COBL: variants seen among roughly 807,000 people sequenced by gnomAD.
COBL encodes the protein cordon-bleu WH2 repeat protein.
A neutral mutation model predicts 98.8 loss-of-function variants in COBL; 51 were observed. The ratio of observed to expected loss-of-function variants is 0.52; its 90% confidence interval spans 0.41 to 0.65. COBL has a LOEUF of 0.65. COBL is among the 30% of genes least tolerant of loss of function. The probability of loss-of-function intolerance (pLI) is 0.00; values close to 1 mark genes in which losing one functional copy is unlikely to be tolerated. For synonymous variants in COBL, 634 were observed against 651.7 expected, an observed-to-expected ratio of 0.97 and a Z score of 0.41; for missense variants, 1,617 against 1,617.5, an observed-to-expected ratio of 1.00 and a Z score of 0.01.
At chr7:51,163,641 A>G (rs554595931) in intron 5 of COBL, among the ~76,000 whole-genome samples, 2 of 152,370 alleles carry the variant, frequency 1.3e-5, no homozygotes, top group South Asian at 2.1e-4. Flanking sequence ...AACACCTCAT[A>G]TCAATAATAT....
intron 4 of COBL, 79 bp downstream of exon 4, chr7:51,190,771 G>A: frequency 8.6e-7 from 1 of 1,169,192 alleles, no homozygotes; most frequent in South Asian, 1.4e-5. Context: ...AGAGTGCTGG[G>A]GAGAGCCAAC....
intron 6 of COBL, among the ~76,000 whole-genome samples, chr7:51,111,251 A>G (rs1796796784): frequency 6.6e-6 from 1 of 152,162 alleles, no homozygotes; most frequent in African/African-American, 2.4e-5. Flanking sequence ...CCCCCATACT[A>G]TTTTTCATAA....
intron 7 of COBL, among the ~76,000 whole-genome samples, chr7:51,057,783 T>TG (rs938027611): frequency 6.6e-6 from 1 of 152,142 alleles, no homozygotes; most frequent in African/African-American, 2.4e-5. Flanking sequence ...CATGAGATGC[T>TG]GGGGCTCCAG....
chr7:51,157,834 G>A (rs1318253540), intron 5 of COBL, among the ~76,000 whole-genome samples: 1 of 152,142 alleles, frequency 6.6e-6, no homozygotes, highest in African/African-American at 2.4e-5. Flanking sequence ...TGAGGTCATG[G>A]ATATGGTAAT....
At chr7:51,087,137 C>CAG (rs1161844235) in intron 6 of COBL, among the ~76,000 whole-genome samples, 4 of 149,328 alleles carry the variant, frequency 2.7e-5, no homozygotes, top group South Asian at 4.2e-4. Context: ...CACACACACA[C>CAG]AGAGACATAC....
chr7:51,071,696 G>A (rs1583683581), intron 7 of COBL: 1 of 152,222 alleles, frequency 6.6e-6, no homozygotes, highest in East Asian at 1.9e-4. Context: ...TAGAGATTTT[G>A]TGTGCCCATC....
At chr7:51,032,280 T>A (rs1332641078) in intron 8 of COBL, 1 of 152,184 alleles carries the variant, frequency 6.6e-6, no homozygotes, top group Non-Finnish European at 1.5e-5. Context: ...CTGGCTTCAT[T>A]TGCGTCACAG....
At position 51,107,102 on chromosome 7, in the gene COBL, T is replaced by G. The variant is rs1022320258; in HGVS notation, c.958-21798A>C. 5.4e-5 allele frequency among the ~76,000 whole-genome samples: 8 copies of G among 146,938 alleles called. No homozygotes were observed. In the East Asian group the frequency reaches 6.0e-4, roughly 11 times the overall value. On this transcript the variant is annotated intron_variant, in intron 6 of 12. Transcript: ENST00000265136. The stretch of plus-strand genomic sequence containing the variant: ...GATCCTAGTTTGTTTGTTTTTTTTT[T>G]TTTTTTTTTTGAGACAGAATCTCAC...
intron 1 of COBL, among the ~76,000 whole-genome samples, chr7:51,291,314 A>G (rs1386394832): frequency 1.3e-5 from 2 of 152,218 alleles, no homozygotes; most frequent in African/African-American, 2.4e-5. Context: ...TGTGTCTTCC[A>G]AAGTCCTAGC....
intron 12 of COBL, among the ~76,000 whole-genome samples, chr7:51,024,199 C>T (rs1342993813): frequency 6.6e-6 from 1 of 152,016 alleles, no homozygotes; most frequent in Non-Finnish European, 1.5e-5. Context: ...GTCCCAGCTA[C>T]TCAGGAGGCT....
intron 7 of COBL, among the ~76,000 whole-genome samples, chr7:51,084,774 T>C (rs1794035717): frequency 6.6e-6 from 1 of 152,214 alleles, no homozygotes; most frequent in South Asian, 2.1e-4. Flanking sequence ...ATACATCACC[T>C]GTGGCCTAAG....
chr7:51,170,534 T>TATATATATATATATATATATATATAA (rs1315143701), intron 5 of COBL, among the ~76,000 whole-genome samples: 2 of 134,494 alleles, frequency 1.5e-5, no homozygotes, highest in African/African-American at 5.7e-5. Context: ...TATATATAAA[T>TATATATATATATATATATATATATAA]ATATATCACA....
Position 51,056,812 on chromosome 7 carries a change from A to AACACACACACACAC in COBL, c.1097-13134_1097-13121dup, listed in dbSNP as rs3047115. On this transcript the variant is annotated intron_variant, in intron 7 of 12. Transcript: ENST00000265136. The stretch of plus-strand genomic sequence containing the variant: ...CTATGCTTGTATACAGTGCTCTCCC[A>AACACACACACACAC]ACACACACACACACACACACACACA... Among the ~76,000 whole-genome samples the AACACACACACACAC allele has an allele frequency of 1.9e-3, 274 of 143,674 alleles. 4 individuals carry two copies. The highest frequency in any genetic ancestry group is 7.0e-3 in the Middle Eastern group (2 of 284). The allele number at this position is 143,674 out of a possible 152,430, so 94.3% of individuals were successfully genotyped here.
chr7:51,220,684 G>A (rs925976386), intron 1 of COBL, among the ~76,000 whole-genome samples: 11 of 152,246 alleles, frequency 7.2e-5, no homozygotes, highest in Admixed American at 7.2e-4. Flanking sequence ...AGGGGTCCAC[G>A]TGCAGGTAAA....
At chr7:51,231,986 T>G (rs1267169265) in intron 1 of COBL, among the ~76,000 whole-genome samples, 1 of 152,066 alleles carries the variant, frequency 6.6e-6, no homozygotes, top group East Asian at 1.9e-4. Context: ...CTGAGTGCAG[T>G]AGAGGGTGGG....
rs541580624 is a variant in COBL at position 51,199,512 on chromosome 7, C to A, written c.246-5923G>T. ...TCCATAAATTACCTGAAAAGGAATC[C>A]AAAATAGCCATCTTAAAGAAGCTCA... is the stretch of plus-strand genomic sequence containing the variant. On this transcript the variant is annotated intron_variant, in intron 2 of 12. Coordinates refer to ENST00000265136, the MANE Select transcript of COBL (RefSeq NM_015198.5). Among the ~76,000 whole-genome samples the A allele has an allele frequency of 5.9e-5, 9 of 152,124 alleles. No homozygotes were observed. In the South Asian group the frequency reaches 1.9e-3, roughly 32 times the overall value.
At chr7:51,079,905 T>C (rs1793463837) in intron 7 of COBL, among the ~76,000 whole-genome samples, 1 of 152,278 alleles carries the variant, frequency 6.6e-6, no homozygotes, top group Admixed American at 6.5e-5. Context: ...ACTGAACATC[T>C]GAGCACACAG....
intron 5 of COBL, among the ~76,000 whole-genome samples, chr7:51,136,765 G>A (rs76777263): frequency 0.078 from 11,876 of 152,166 alleles, 558 homozygotes; most frequent in Admixed American, 0.15. Context: ...TGGTCATCTT[G>A]GGAAGTACTC....
At chr7:51,085,897 C>T (rs996850074) in intron 6 of COBL, among the ~76,000 whole-genome samples, 3 of 152,158 alleles carry the variant, frequency 2.0e-5, no homozygotes, top group Non-Finnish European at 4.4e-5. Flanking sequence ...GTTATTAGAT[C>T]GGTGTATGGG....
Sources: allele counts gnomAD v4.1 joint callset (sites outside exome capture counted in the v4.1 genomes callset), GRCh38; gene constraint gnomAD v4.1.1; transcripts MANE v1.5; gene names NCBI Gene and HGNC (gene_info 2026-07-23, HGNC 2026-07-21).